The following MGAT4C variants were observed in gnomAD, a reference collection of about 807,000 sequenced individuals.
MGAT4C encodes the protein alpha-1,3-mannosyl-glycoprotein 4-beta-N-acetylglucosaminyltransferase C.
Under a neutral mutation model 40.1 loss-of-function variants are expected in MGAT4C, and 19 were observed. The observed-to-expected ratio is 0.47, with a 90% CI of 0.33 to 0.70. The LOEUF is 0.70. Ranked by LOEUF, MGAT4C falls within the 30% of genes least tolerant of loss-of-function variation. MGAT4C has a pLI of 0.02. For synonymous variants in MGAT4C, 181 were observed against 187.1 expected, an observed-to-expected ratio of 0.97 and a Z score of 0.27; for missense variants, 491 against 563.2, an observed-to-expected ratio of 0.87 and a Z score of 1.30.
intron 1 of MGAT4C, among the ~76,000 whole-genome samples, chr12:86,778,086 C>T (rs945082387): frequency 2.4e-4 from 37 of 152,212 alleles, no homozygotes; most frequent in African/African-American, 8.9e-4. Flanking sequence ...AATTGCTTGG[C>T]CTGCATCAAG....
chr12:86,820,434 C>T (rs1952685653), intron 1 of MGAT4C, among the ~76,000 whole-genome samples: 1 of 150,654 alleles, frequency 6.6e-6, no homozygotes, highest in Non-Finnish European at 1.5e-5. Context: ...CTTTAACTTT[C>T]GATTGACTTA....
rs1394160230 is a variant in MGAT4C at position 86,733,328 on chromosome 12, A to G, written c.-261-6087T>C. Among the ~76,000 whole-genome samples, 5 of 152,110 alleles carry G rather than the reference A, an allele frequency of 3.3e-5. No homozygotes were observed. The South Asian group carries it at 6.2e-4, about 19-fold the overall frequency. Reference sequence around the variant, plus strand: ...GCTTTTAGAATTCCCTAATAACCCAATGAAAAGGGTTAAGATGTATTTTTG... The same window carrying G: ...GCTTTTAGAATTCCCTAATAACCCAGTGAAAAGGGTTAAGATGTATTTTTG... On this transcript the variant is annotated intron_variant, in intron 1 of 7. Coordinates refer to the MGAT4C transcript ENST00000548651.
chr12:86,294,118 A>C (rs77193725), intron 4 of MGAT4C, among the ~76,000 whole-genome samples: 1,726 of 105,878 alleles, frequency 0.016, 26 homozygotes, highest in African/African-American at 0.046. Context: ...TTTAGAAATT[A>C]AAAAACAATA....
At chr12:86,028,044 C>T (rs1178274991) in intron 2 of MGAT4C, 1 of 1,017,570 alleles carries the variant, frequency 9.8e-7, no homozygotes, top group Non-Finnish European at 1.3e-6. Context: ...TGTATCTAGT[C>T]AAGAAAGTAT....
At chr12:86,320,668 G>A (rs1372087081) in intron 4 of MGAT4C, among the ~76,000 whole-genome samples, 1 of 151,866 alleles carries the variant, frequency 6.6e-6, no homozygotes, top group Non-Finnish European at 1.5e-5. Context: ...GCAGGGCTGG[G>A]ATTTATATTA....
At chr12:86,172,315 T>C (rs547705494) in intron 1 of MGAT4C, among the ~76,000 whole-genome samples, 2 of 152,284 alleles carry the variant, frequency 1.3e-5, no homozygotes, top group African/African-American at 4.8e-5. Context: ...ATCTACATAA[T>C]TGGATAATAG....
intron 3 of MGAT4C, among the ~76,000 whole-genome samples, chr12:86,394,571 TTA>T (rs1451982794): frequency 4.1e-5 from 6 of 145,140 alleles, no homozygotes; most frequent in Non-Finnish European, 7.5e-5. Flanking sequence ...TTATATATAT[TTA>T]TATATGTGTA....
chr12:86,577,851 G>GT (rs1004215514), intron 2 of MGAT4C, among the ~76,000 whole-genome samples: 2 of 151,576 alleles, frequency 1.3e-5, no homozygotes, highest in Non-Finnish European at 3.0e-5. Flanking sequence ...CTTCAAATAT[G>GT]TTTTTTTATT....
chr12:86,137,027 T>A (rs568212541), intron 1 of MGAT4C, among the ~76,000 whole-genome samples: 1 of 152,258 alleles, frequency 6.6e-6, no homozygotes, highest in Non-Finnish European at 1.5e-5. Context: ...GATTATTATA[T>A]GCGAAATCCT....
intron 2 of MGAT4C, among the ~76,000 whole-genome samples, chr12:86,531,273 C>T (rs1309922358): frequency 6.6e-6 from 1 of 151,988 alleles, no homozygotes; most frequent in Non-Finnish European, 1.5e-5. Context: ...TTTTGAAAAT[C>T]CAAATTAGAT....
At chr12:86,042,069 C>A (rs1891909226) in intron 2 of MGAT4C, among the ~76,000 whole-genome samples, 1 of 152,164 alleles carries the variant, frequency 6.6e-6, no homozygotes, top group African/African-American at 2.4e-5. Flanking sequence ...ATGTAATACG[C>A]TTCTTTGTCT....
Position 85,976,681 on chromosome 12 carries a change from T to C in MGAT4C, c.*2608A>G, listed in dbSNP as rs1036201899. ...TATGTATATATATATTATATATATG[T>C]ATATATGTATTATATATGTATATAT... is the stretch of plus-strand genomic sequence containing the variant. On this transcript the variant is annotated 3_prime_UTR_variant, in exon 5 of 5. Transcript: ENST00000611864. 6.8e-6 allele frequency: 1 copy of C among 146,760 alleles called. No individual in the cohort carries two copies. The highest frequency in any genetic ancestry group is 2.1e-4 in the South Asian group (1 of 4,796). The allele number at this position is 146,760 out of a possible 1,614,324, so 9.1% of individuals were successfully genotyped here. A position where few individuals can be genotyped will look rare whatever the true frequency, so the allele number is the denominator to read the frequency against.
intron 1 of MGAT4C, among the ~76,000 whole-genome samples, chr12:86,834,066 C>T (rs925227974): frequency 6.6e-6 from 1 of 151,568 alleles, no homozygotes; most frequent in African/African-American, 2.4e-5. Flanking sequence ...TTTCTTTATC[C>T]ATTCATTCAA....
chr12:86,112,811 T>A (rs2135650217), intron 1 of MGAT4C, among the ~76,000 whole-genome samples: 1 of 151,580 alleles, frequency 6.6e-6, no homozygotes, highest in Middle Eastern at 3.4e-3. Context: ...GACAATGGAG[T>A]GATAAGTCTT....
chr12:86,211,456 G>C (rs1477432526), intron 1 of MGAT4C, among the ~76,000 whole-genome samples: 3 of 148,828 alleles, frequency 2.0e-5, no homozygotes, highest in Non-Finnish European at 4.5e-5. Flanking sequence ...GCGTGGTGGC[G>C]GTCGCCTGTA....
rs147126737 is a variant in MGAT4C at position 86,108,058 on chromosome 12, A to G, written c.-56-58335T>C. On this transcript the variant is annotated intron_variant, in intron 1 of 4. Transcript: ENST00000611864. Reference sequence around the variant, plus strand: ...CTTAACCCTCTAGAGTAGCTTACACATCTCAGCTGGAGAATTGGAAAAATA... The same window carrying G: ...CTTAACCCTCTAGAGTAGCTTACACGTCTCAGCTGGAGAATTGGAAAAATA... 1.8e-4 allele frequency among the ~76,000 whole-genome samples: 28 copies of G among 152,204 alleles called. No homozygotes were observed. In the East Asian group the frequency reaches 4.8e-3, roughly 26 times the overall value.
chr12:86,419,354 T>A (rs1466969869), intron 3 of MGAT4C, among the ~76,000 whole-genome samples: 1 of 151,674 alleles, frequency 6.6e-6, no homozygotes, highest in Non-Finnish European at 1.5e-5. Flanking sequence ...GAAACTGAGT[T>A]TTATTTCAGC....
chr12:86,687,969 C>A (rs2406252), intron 2 of MGAT4C, among the ~76,000 whole-genome samples: 125,983 of 151,944 alleles, frequency 0.83, 52,930 homozygotes, highest in Middle Eastern at 0.9. Context: ...TGGGAGTTTA[C>A]GTCTGTTTGC....
intron 1 of MGAT4C, among the ~76,000 whole-genome samples, chr12:86,826,217 C>T (rs1398390791): frequency 1.3e-5 from 2 of 151,420 alleles, no homozygotes; most frequent in Non-Finnish European, 1.5e-5. Flanking sequence ...TCATCGCTAT[C>T]GACTTCCTGT....
Sources: allele counts gnomAD v4.1 joint callset (sites outside exome capture counted in the v4.1 genomes callset), GRCh38; gene constraint gnomAD v4.1.1; transcripts MANE v1.5; gene names NCBI Gene and HGNC (gene_info 2026-07-23, HGNC 2026-07-21).